SLC25A48: variants seen among roughly 807,000 people sequenced by gnomAD.
The protein encoded by SLC25A48 is CTC-321K16.1.
SLC25A48 carries 29 observed loss-of-function variants against 32.2 expected under a neutral mutation model. The ratio of observed to expected loss-of-function variants is 0.90; its 90% CI spans 0.67 to 1.23. SLC25A48 has a LOEUF of 1.23. SLC25A48 is among the 50% of genes most tolerant of loss of function. SLC25A48 has a pLI of 0.00. For synonymous variants in SLC25A48, 164 were observed against 172.3 expected (o/e 0.95, Z 0.38); for missense variants, 399 against 422.7 (o/e 0.94, Z 0.49).
At chr5:135,786,056 C>T (rs1172474685) in intron 3 of SLC25A48, among the ~76,000 whole-genome samples, 1 of 151,242 alleles carries the variant, frequency 6.6e-6, no homozygotes, top group East Asian at 2.0e-4. Context: ...GGGGGTGGAA[C>T]ACCTTCTTTG....
At chr5:135,750,416 T>C (rs974915048) in intron 3 of SLC25A48, among the ~76,000 whole-genome samples, 1 of 152,190 alleles carries the variant, frequency 6.6e-6, no homozygotes, top group African/African-American at 2.4e-5. Flanking sequence ...TGGCCTTGAT[T>C]CCCTCCTAGT....
chr5:135,785,693 T>C (rs1317967766), intron 3 of SLC25A48, among the ~76,000 whole-genome samples: 1 of 147,164 alleles, frequency 6.8e-6, no homozygotes, highest in Non-Finnish European at 1.5e-5. Context: ...CCTTGCCCAG[T>C]GGATCATAAT....
At chr5:135,756,524 A>T (rs1003406666) in intron 3 of SLC25A48, among the ~76,000 whole-genome samples, 1 of 152,084 alleles carries the variant, frequency 6.6e-6, no homozygotes, top group African/African-American at 2.4e-5. Context: ...AAATACAATT[A>T]TCTGGGCGTG....
At chr5:135,793,448 GAT>G (rs1757086127) in intron 3 of SLC25A48, among the ~76,000 whole-genome samples, 1 of 151,638 alleles carries the variant, frequency 6.6e-6, no homozygotes, top group Admixed American at 6.6e-5. Flanking sequence ...TACATTCTGG[GAT>G]ATTATCCATA....
chr5:135,757,992 A>G (rs1002200399), intron 3 of SLC25A48, among the ~76,000 whole-genome samples: 2 of 150,470 alleles, frequency 1.3e-5, no homozygotes, highest in African/African-American at 4.8e-5. Context: ...ATAGAATATC[A>G]TCTAGATAAT....
At chr5:135,702,979 C>T (rs1024559682) in intron 3 of SLC25A48, among the ~76,000 whole-genome samples, 1 of 152,172 alleles carries the variant, frequency 6.6e-6, no homozygotes, top group African/African-American at 2.4e-5. Context: ...TGAGCTTATT[C>T]ATCATCTCTG....
At chr5:135,633,364 A>T (rs879497209) in intron 2 of SLC25A48, among the ~76,000 whole-genome samples, 4 of 152,016 alleles carry the variant, frequency 2.6e-5, no homozygotes, top group Admixed American at 6.6e-5. Flanking sequence ...TAGGGCTTTC[A>T]GGAGGTAACT....
chr5:135,787,017 TA>T (rs1413557159), intron 3 of SLC25A48, among the ~76,000 whole-genome samples: 2 of 152,036 alleles, frequency 1.3e-5, no homozygotes, highest in Non-Finnish European at 2.9e-5. Context: ...TGTACTCTCC[TA>T]GGGGGATGTT....
At chr5:135,603,694 C>T (rs1751859698) in intron 1 of SLC25A48, among the ~76,000 whole-genome samples, 1 of 152,236 alleles carries the variant, frequency 6.6e-6, no homozygotes, top group South Asian at 2.1e-4. Flanking sequence ...CAGGGTGTTT[C>T]AGCCTTGGGG....
At chr5:135,711,095 A>G (rs1318110037) in intron 3 of SLC25A48, among the ~76,000 whole-genome samples, 1 of 152,220 alleles carries the variant, frequency 6.6e-6, no homozygotes, top group Non-Finnish European at 1.5e-5. Flanking sequence ...GGAAATGCCC[A>G]AGTTCCCATT....
chr5:135,579,724 C>T (rs1180614082), intron 1 of SLC25A48: 1 of 152,144 alleles, frequency 6.6e-6, no homozygotes, highest in Non-Finnish European at 1.5e-5. Context: ...TGGGGAGAAC[C>T]AGGAGGAGTC....
At chr5:135,657,294 T>G (rs1361801346) in intron 3 of SLC25A48, among the ~76,000 whole-genome samples, 2 of 152,224 alleles carry the variant, frequency 1.3e-5, no homozygotes, top group African/African-American at 2.4e-5. Context: ...CAGTTTACTC[T>G]TCTACTGCAG....
intron 2 of SLC25A48, among the ~76,000 whole-genome samples, chr5:135,847,648 G>A (rs966498754): frequency 6.6e-6 from 1 of 152,160 alleles, no homozygotes; most frequent in African/African-American, 2.4e-5. Flanking sequence ...TCCCACAGAA[G>A]AGGAAGAAAA....
chr5:135,882,773 C>G (rs1762569937), intron 7 of SLC25A48, among the ~76,000 whole-genome samples: 1 of 152,192 alleles, frequency 6.6e-6, no homozygotes, highest in Admixed American at 6.5e-5. Flanking sequence ...CCAGAGCTCC[C>G]TGGAATAGTG....
intron 3 of SLC25A48, among the ~76,000 whole-genome samples, chr5:135,643,012 C>T (rs7732183): frequency 0.43 from 65,818 of 152,028 alleles, 14,861 homozygotes; most frequent in South Asian, 0.51. Flanking sequence ...GGCAGCAACG[C>T]AAGTCCTAAA....
intron 1 of SLC25A48, among the ~76,000 whole-genome samples, chr5:135,616,625 A>T (rs925426852): frequency 2.0e-5 from 3 of 152,216 alleles, no homozygotes; most frequent in African/African-American, 7.2e-5. Context: ...ACAGGCTCAT[A>T]GACAGAAGGG....
rs561039379 is a variant in SLC25A48 at position 135,784,509 on chromosome 5, C to T, written c.-520-28014C>T. 2.9e-4 allele frequency among the ~76,000 whole-genome samples: 34 copies of T among 116,308 alleles called. 13 individuals carry two copies. Among genetic ancestry groups the T allele is most frequent in the Non-Finnish European group, 5.7e-4 (27 of 47,122 alleles). 76.3% of individuals were successfully genotyped at this position (116,308 alleles called of 152,430 possible). ...GTGCACATTCCCTGTGTGATATTGTCCTAATATCAAAAAAGGGAGTTGATG... is the reference window on the plus strand; with the variant it reads ...GTGCACATTCCCTGTGTGATATTGTTCTAATATCAAAAAAGGGAGTTGATG... On this transcript the variant is annotated intron_variant, in intron 3 of 10. Coordinates refer to the SLC25A48 transcript ENST00000646290.
At chr5:135,587,944 G>A (rs1751409263) in intron 1 of SLC25A48, among the ~76,000 whole-genome samples, 1 of 152,220 alleles carries the variant, frequency 6.6e-6, no homozygotes, top group African/African-American at 2.4e-5. Flanking sequence ...ATGCTAGAGA[G>A]AGAGGGCAGG....
intron 6 of SLC25A48, among the ~76,000 whole-genome samples, chr5:135,876,728 G>A (rs1289214244): frequency 5.3e-5 from 8 of 152,176 alleles, no homozygotes; most frequent in Non-Finnish European, 1.2e-4. Context: ...GCTTGTATAT[G>A]TGACTGTTTA....
Sources: allele counts gnomAD v4.1 joint callset (sites outside exome capture counted in the v4.1 genomes callset), GRCh38; gene constraint gnomAD v4.1.1; transcripts MANE v1.5; gene names NCBI Gene and HGNC (gene_info 2026-07-23, HGNC 2026-07-21).